Variants in PALLD observed in about 807,000 individuals in gnomAD.
The protein encoded by PALLD is palladin.
Under a neutral mutation model 123.5 loss-of-function variants are expected in PALLD, and 61 were observed. That is an observed-to-expected ratio of 0.49 (90% CI 0.40 to 0.61). The LOEUF (loss-of-function observed/expected upper bound fraction) is 0.61. PALLD is among the 20% of genes least tolerant of loss of function. The probability of loss-of-function intolerance (pLI) is 0.00; values close to 1 mark genes in which losing one functional copy is unlikely to be tolerated. For synonymous variants in PALLD, 465 were observed against 496.4 expected, an observed-to-expected ratio of 0.94 and a Z score of 0.84; for missense variants, 1,273 against 1,377.0, an observed-to-expected ratio of 0.92 and a Z score of 1.20.
At chr4:168,517,470 C>T (rs538838610) in intron 2 of PALLD, among the ~76,000 whole-genome samples, 1 of 152,192 alleles carries the variant, frequency 6.6e-6, no homozygotes, top group Non-Finnish European at 1.5e-5. Flanking sequence ...AATCGAAATA[C>T]AGCATGTCCA....
chr4:168,628,857 A>G (rs566548946), intron 2 of PALLD, among the ~76,000 whole-genome samples: 1 of 152,316 alleles, frequency 6.6e-6, no homozygotes, highest in South Asian at 2.1e-4. Flanking sequence ...CTGCTGTGTT[A>G]CCAACATACA....
chr4:168,663,754 T>G (rs1355594791), intron 2 of PALLD, among the ~76,000 whole-genome samples: 1 of 152,266 alleles, frequency 6.6e-6, no homozygotes, highest in Non-Finnish European at 1.5e-5. Flanking sequence ...CATTTGTCCC[T>G]TTCTGATATC....
At chr4:168,499,719 T>C (rs914535583) in intron 1 of PALLD, among the ~76,000 whole-genome samples, 1 of 152,146 alleles carries the variant, frequency 6.6e-6, no homozygotes, top group Non-Finnish European at 1.5e-5. Context: ...ATTCCAACCA[T>C]TTTCATATAT....
chr4:168,903,069 T>A (rs1429894453), intron 14 of PALLD, among the ~76,000 whole-genome samples: 1 of 152,224 alleles, frequency 6.6e-6, no homozygotes, highest in Non-Finnish European at 1.5e-5. Context: ...GGCCCACATT[T>A]AATTTTTTAT....
intron 2 of PALLD, among the ~76,000 whole-genome samples, chr4:168,640,260 T>C (rs375882195): frequency 2.6e-5 from 4 of 152,204 alleles, no homozygotes; most frequent in Non-Finnish European, 5.9e-5. Flanking sequence ...ACTTTTCCGA[T>C]TGAGCTTTTT....
At chr4:168,668,890 G>A (rs1779912896) in intron 3 of PALLD, among the ~76,000 whole-genome samples, 1 of 152,138 alleles carries the variant, frequency 6.6e-6, no homozygotes, top group African/African-American at 2.4e-5. Flanking sequence ...ATTAAAGAGG[G>A]GTACGCAGAG....
chr4:168,557,334 A>G (rs2710853), intron 2 of PALLD, among the ~76,000 whole-genome samples: 10,316 of 151,936 alleles, frequency 0.068, 463 homozygotes, highest in South Asian at 0.18. Flanking sequence ...GTGAGCCACC[A>G]CTCCCGGCCT....
intron 2 of PALLD, among the ~76,000 whole-genome samples, chr4:168,552,323 G>C (rs1182032070): frequency 6.6e-6 from 1 of 152,138 alleles, no homozygotes; most frequent in Non-Finnish European, 1.5e-5. Flanking sequence ...TTGGTTTTTT[G>C]AGTTGGTGAG....
chr4:168,812,294 C>T lies in PALLD; in HGVS notation c.1965-78628C>T, dbSNP rs552818449. On this transcript the variant is annotated intron_variant, in intron 10 of 21. Coordinates refer to ENST00000505667, the MANE Select transcript of PALLD (RefSeq NM_001166108.2). ...CTCCTTAGAAATACGGCAGTACAGA[C>T]GATTAGTAAGGGGTATCTAAGAATC... Among the ~76,000 whole-genome samples the T allele has an allele frequency of 5.3e-5, 8 of 152,218 alleles. No individual in the cohort carries two copies. In the South Asian group the frequency reaches 6.2e-4, roughly 12 times the overall value.
chr4:168,812,258 C>T (rs966076554), intron 10 of PALLD, among the ~76,000 whole-genome samples: 8 of 152,164 alleles, frequency 5.3e-5, no homozygotes, highest in Admixed American at 2.0e-4. Context: ...ACCCCCTTGT[C>T]CAAGCTTGGC....
At chr4:168,863,019 T>C (rs1464739612) in intron 10 of PALLD, among the ~76,000 whole-genome samples, 1 of 152,214 alleles carries the variant, frequency 6.6e-6, no homozygotes, top group Non-Finnish European at 1.5e-5. Flanking sequence ...TCACCAGAGC[T>C]GGGGCCAGCC....
intron 2 of PALLD, among the ~76,000 whole-genome samples, chr4:168,583,876 C>T (rs1233482393): frequency 6.6e-6 from 1 of 152,108 alleles, no homozygotes; most frequent in Non-Finnish European, 1.5e-5. Flanking sequence ...TCCAACCTTC[C>T]AATCCAAACT....
chr4:168,796,575 G>A (rs185949471), intron 10 of PALLD, among the ~76,000 whole-genome samples: 1 of 152,298 alleles, frequency 6.6e-6, no homozygotes, highest in African/African-American at 2.4e-5. Flanking sequence ...CATAGCCTAT[G>A]CTTAATAAAT....
chr4:168,906,218 G>A (rs1290482953), intron 15 of PALLD, among the ~76,000 whole-genome samples: 1 of 152,170 alleles, frequency 6.6e-6, no homozygotes, highest in East Asian at 1.9e-4. Context: ...CTGGGAACCT[G>A]CTATTAATTT....
intron 10 of PALLD, among the ~76,000 whole-genome samples, chr4:168,843,247 A>G (rs955528408): frequency 1.3e-5 from 2 of 152,210 alleles, no homozygotes; most frequent in African/African-American, 4.8e-5. Context: ...ACATGGGATG[A>G]TTAATGAATT....
At chr4:168,718,973 C>A (rs1245823197) in intron 10 of PALLD, among the ~76,000 whole-genome samples, 1 of 145,664 alleles carries the variant, frequency 6.9e-6, no homozygotes, top group Non-Finnish European at 1.5e-5. Context: ...AGTGGCATGA[C>A]CTCAGTTCTC....
At chr4:168,915,795 C>T in intron 16 of PALLD, 100 bp from the exon 17 acceptor site, 2 of 896,456 alleles carry the variant, frequency 2.2e-6, no homozygotes, top group Non-Finnish European at 3.6e-6. Context: ...ATAAGGAAAT[C>T]ATATTATTAC....
rs76585728 is a variant in PALLD at position 168,790,605 on chromosome 4, C to T, written c.1964+78682C>T. 6.3e-3 allele frequency among the ~76,000 whole-genome samples: 959 copies of T among 152,214 alleles called. 6 individuals are homozygous for T. Among genetic ancestry groups the T allele is most frequent in the Middle Eastern group, 0.034 (10 of 294 alleles). On this transcript the variant is annotated intron_variant, in intron 10 of 21. Coordinates refer to ENST00000505667, the MANE Select transcript of PALLD (RefSeq NM_001166108.2). Reference sequence around the variant, plus strand: ...GATTTGAAATGGCACCTTTATCATTCTCGAAATTATTCATGCTTATGGCTC... The same window carrying T: ...GATTTGAAATGGCACCTTTATCATTTTCGAAATTATTCATGCTTATGGCTC...
intron 2 of PALLD, among the ~76,000 whole-genome samples, chr4:168,613,445 A>G (rs1773926423): frequency 6.6e-6 from 1 of 152,186 alleles, no homozygotes; most frequent in Non-Finnish European, 1.5e-5. Context: ...CTCAATCTTT[A>G]CCTGTCCACA....
Sources: allele counts gnomAD v4.1 joint callset (sites outside exome capture counted in the v4.1 genomes callset), GRCh38; gene constraint gnomAD v4.1.1; transcripts MANE v1.5; gene names NCBI Gene and HGNC (gene_info 2026-07-23, HGNC 2026-07-21).